HS3ST5: variants seen among roughly 807,000 people sequenced by gnomAD.
The protein encoded by HS3ST5 is heparan sulfate glucosamine 3-O-sulfotransferase 5.
A neutral mutation model predicts 25.4 loss-of-function variants in HS3ST5; 10 were observed. The observed-to-expected ratio is 0.39, with a 90% CI of 0.24 to 0.67. The LOEUF is 0.67. Ranked by LOEUF, HS3ST5 falls within the 30% of genes least tolerant of loss-of-function variation. HS3ST5 has a pLI of 0.44. For missense variants in HS3ST5, 324 were observed against 420.7 expected, an observed-to-expected ratio of 0.77 and a Z score of 2.01; for synonymous variants, 170 against 162.4, an observed-to-expected ratio of 1.05 and a Z score of -0.36.
At chr6:114,066,871 ATAAGT>A (rs766278435) in intron 3 of HS3ST5, among the ~76,000 whole-genome samples, 107 of 152,188 alleles carry the variant, frequency 7.0e-4, no homozygotes, top group Non-Finnish European at 1.2e-3. Flanking sequence ...TCTTCCTAAT[ATAAGT>A]TATTTTGTCC....
intron 3 of HS3ST5, among the ~76,000 whole-genome samples, chr6:114,095,428 G>A (rs988951893): frequency 7.2e-5 from 11 of 152,260 alleles, no homozygotes; most frequent in Admixed American, 4.6e-4. Flanking sequence ...TTTCTTCAGG[G>A]CTGATGGCTA....
intron 3 of HS3ST5, among the ~76,000 whole-genome samples, chr6:114,140,968 T>C (rs1777875111): frequency 6.6e-6 from 1 of 152,128 alleles, no homozygotes; most frequent in African/African-American, 2.4e-5. Flanking sequence ...TAAGATAGAG[T>C]GAGAAACAAT....
chr6:114,229,951 C>T (rs561659532), intron 1 of HS3ST5, among the ~76,000 whole-genome samples: 23 of 152,176 alleles, frequency 1.5e-4, no homozygotes, highest in Non-Finnish European at 2.6e-4. Flanking sequence ...ATTCAGTTGT[C>T]GTTTCTTGCT....
At chr6:114,061,259 A>G (rs1182767435) in intron 4 of HS3ST5, among the ~76,000 whole-genome samples, 4 of 152,218 alleles carry the variant, frequency 2.6e-5, no homozygotes, top group Admixed American at 2.6e-4. Flanking sequence ...TAAGAGTTCC[A>G]TTACAGAGGT....
At chr6:114,174,192 C>A (rs1191518724) in intron 2 of HS3ST5, among the ~76,000 whole-genome samples, 1 of 152,006 alleles carries the variant, frequency 6.6e-6, no homozygotes, top group Non-Finnish European at 1.5e-5. Context: ...TCCTAATCAG[C>A]CTGGCTAATT....
intron 2 of HS3ST5, among the ~76,000 whole-genome samples, chr6:114,225,651 T>A (rs1035592827): frequency 6.6e-6 from 1 of 151,904 alleles, no homozygotes; most frequent in Non-Finnish European, 1.5e-5. Flanking sequence ...TCAGTGTGTG[T>A]CCTGTCACAT....
At chr6:114,247,319 A>G (rs1772427513) in intron 1 of HS3ST5, among the ~76,000 whole-genome samples, 1 of 152,222 alleles carries the variant, frequency 6.6e-6, no homozygotes, top group African/African-American at 2.4e-5. Context: ...AAGCAATGAA[A>G]GAGTTAACCC....
At chr6:114,239,530 C>T (rs926270606) in intron 1 of HS3ST5, among the ~76,000 whole-genome samples, 14 of 152,188 alleles carry the variant, frequency 9.2e-5, no homozygotes, top group Non-Finnish European at 5.9e-5. Flanking sequence ...TGTCTCCTCT[C>T]TTTTGCACTT....
At chr6:114,318,032 T>C (rs918020864) in intron 1 of HS3ST5, among the ~76,000 whole-genome samples, 3 of 152,262 alleles carry the variant, frequency 2.0e-5, no homozygotes, top group Admixed American at 6.5e-5. Context: ...CTCTTACGCA[T>C]ACAACTGGCG....
intron 3 of HS3ST5, among the ~76,000 whole-genome samples, chr6:114,162,159 G>A (rs73536688): frequency 0.017 from 2,577 of 152,210 alleles, 69 homozygotes; most frequent in African/African-American, 0.06. Flanking sequence ...AAATGCAGCA[G>A]TGTCCTTTAG....
chr6:114,245,835 A>G (rs930226145), intron 1 of HS3ST5, among the ~76,000 whole-genome samples: 2 of 152,250 alleles, frequency 1.3e-5, no homozygotes, highest in African/African-American at 4.8e-5. Flanking sequence ...CAGGTGGGAA[A>G]GAAAAGCTGC....
intron 3 of HS3ST5, among the ~76,000 whole-genome samples, chr6:114,065,875 A>G (rs1773418955): frequency 6.6e-6 from 1 of 152,222 alleles, no homozygotes; most frequent in East Asian, 1.9e-4. Flanking sequence ...ATTTAAACAT[A>G]GTGCCCACAC....
At chr6:114,210,641 G>T (rs1156465371) in intron 2 of HS3ST5, among the ~76,000 whole-genome samples, 1 of 152,172 alleles carries the variant, frequency 6.6e-6, no homozygotes, top group Non-Finnish European at 1.5e-5. Flanking sequence ...TTCACATCTA[G>T]GTTTAGAAGG....
intron 3 of HS3ST5, among the ~76,000 whole-genome samples, chr6:114,101,108 G>C (rs1332057907): frequency 6.6e-6 from 1 of 152,156 alleles, no homozygotes; most frequent in Non-Finnish European, 1.5e-5. Context: ...GGCAATCTGT[G>C]CAGTATTGGC....
At chr6:114,069,970 AGGT>A (rs1773706908) in intron 3 of HS3ST5, among the ~76,000 whole-genome samples, 1 of 152,178 alleles carries the variant, frequency 6.6e-6, no homozygotes, top group Admixed American at 6.5e-5. Context: ...TTGGGGGTAC[AGGT>A]GGTTATATGT....
At chr6:114,282,673 T>C (rs2114743357) in intron 1 of HS3ST5, among the ~76,000 whole-genome samples, 1 of 152,128 alleles carries the variant, frequency 6.6e-6, no homozygotes, top group Non-Finnish European at 1.5e-5. Context: ...GGAACTGTTC[T>C]TTTTCCACAA....
chr6:114,099,729 C>T (rs1370324056), intron 3 of HS3ST5, among the ~76,000 whole-genome samples: 1 of 152,034 alleles, frequency 6.6e-6, no homozygotes. Flanking sequence ...GGTGATGACC[C>T]CTCTCCTCTT....
rs148757105 is a variant in HS3ST5, at chr6:114,086,525, G to A, written c.-32-23648C>T. On this transcript the variant is annotated intron_variant, in intron 3 of 4. Coordinates refer to ENST00000312719, the MANE Select transcript of HS3ST5 (RefSeq NM_153612.4). ...TTCTTCCCGAGAGTCATCTCCAGAC[G>A]AGAGCACAATCCACCTGACAGCTTG... Among the ~76,000 whole-genome samples the A allele has an allele frequency of 1.9e-3, 291 of 152,258 alleles. 1 individual carries two copies. Among genetic ancestry groups the A allele is most frequent in the African/African-American group, 5.9e-3 (245 of 41,552 alleles).
intron 1 of HS3ST5, among the ~76,000 whole-genome samples, chr6:114,319,249 ATGCACCAT>A (rs1775868829): frequency 6.6e-6 from 1 of 152,164 alleles, no homozygotes; most frequent in Non-Finnish European, 1.5e-5. Context: ...TCCAATTTAC[ATGCACCAT>A]TACACAACTT....
Sources: gnomAD v4.1 joint callset for allele counts (sites outside exome capture counted in the v4.1 genomes callset) on GRCh38, gnomAD v4.1.1 for gene constraint, MANE v1.5 for transcripts, NCBI Gene and HGNC (gene_info 2026-07-23, HGNC 2026-07-21) for gene names.